LRP2: variants seen among roughly 807,000 people sequenced by gnomAD.
LRP2 encodes LDL receptor related protein 2.
In LRP2, 172 loss-of-function variants were observed where a neutral mutation model predicts 531.0. The observed-to-expected ratio is 0.32, with a 90% CI of 0.29 to 0.37. The LOEUF (loss-of-function observed/expected upper bound fraction) is 0.37. Among genes scored for constraint, LRP2 ranks in the 10% least tolerant of loss-of-function variants. LRP2 has a pLI of 1.00. For synonymous variants in LRP2, 1,992 were observed against 2,027.6 expected (o/e 0.98, Z 0.47); for missense variants, 5,167 against 5,868.3 (o/e 0.88, Z 3.90).
Position 169,128,558 on chromosome 2 carries a change from A to C in LRP2, c.*105T>G. ...TCCAACTATAGGCAAACAGGGAAAAATATATTTTTTTCATAAAGTACTGAA... is the reference window on the plus strand; with the variant it reads ...TCCAACTATAGGCAAACAGGGAAAACTATATTTTTTTCATAAAGTACTGAA... On this transcript the variant is annotated 3_prime_UTR_variant, in exon 79 of 79. Coordinates refer to ENST00000649046, the MANE Select transcript of LRP2 (RefSeq NM_004525.3). The C allele has an allele frequency of 8.5e-7, 1 of 1,180,048 alleles. No individual in the cohort carries two copies. Among genetic ancestry groups the C allele is most frequent in the Non-Finnish European group, 1.3e-6 (1 of 796,906 alleles). 73.1% of individuals were successfully genotyped at this position (1,180,048 alleles called of 1,614,324 possible).
chr2:169,165,908 T>G, intron 62 of LRP2, 24 bp downstream of exon 62: 1 of 1,613,702 alleles, frequency 6.2e-7, no homozygotes, highest in South Asian at 1.1e-5. Context: ...TCCTTTTTCC[T>G]TCTCCCTTTT....
intron 27 of LRP2, 126 bp downstream of exon 27, chr2:169,237,965 T>C: frequency 1.3e-6 from 1 of 784,186 alleles, no homozygotes; most frequent in Non-Finnish European, 2.2e-6. Context: ...TTGGGTATGA[T>C]GTGGCCCAGA....
At chr2:169,261,507 A>G (rs965116930) in intron 16 of LRP2, among the ~76,000 whole-genome samples, 1 of 146,752 alleles carries the variant, frequency 6.8e-6, no homozygotes, top group Non-Finnish European at 1.5e-5. Flanking sequence ...TCCTGCATAT[A>G]CTGTGTACTC....
chr2:169,226,315 T>C (rs1689198211), intron 32 of LRP2, 107 bp downstream of exon 32: 22 of 882,926 alleles, frequency 2.5e-5, no homozygotes, highest in Non-Finnish European at 4.0e-5. Context: ...TATTTCCACA[T>C]TGTTTCCCTT....
At chr2:169,201,938 A>G in intron 43 of LRP2, 68 bp from the exon 44 acceptor site, 1 of 1,585,300 alleles carries the variant, frequency 6.3e-7, no homozygotes, top group Non-Finnish European at 8.6e-7. Context: ...TTAAAAAGAT[A>G]CAATTAAATA....
chr2:169,361,239 G>C (rs917177953), intron 1 of LRP2, among the ~76,000 whole-genome samples: 5 of 151,918 alleles, frequency 3.3e-5, no homozygotes, highest in Admixed American at 1.3e-4. Context: ...ACCTAGCAAC[G>C]CAAAGCCAGG....
chr2:169,255,525 GA>G (rs35710276), intron 19 of LRP2, among the ~76,000 whole-genome samples: 59,557 of 151,714 alleles, frequency 0.39, 12,007 homozygotes, highest in South Asian at 0.68. Context: ...AAAGGTTGAC[GA>G]AAAAAAATTA....
chr2:169,308,272 G>A (rs773691711), intron 3 of LRP2, among the ~76,000 whole-genome samples: 43 of 151,744 alleles, frequency 2.8e-4, no homozygotes, highest in African/African-American at 6.0e-4. Flanking sequence ...TGTGCACAGC[G>A]TGCAGGTTTG....
In LRP2 at chr2:169,257,818, A is replaced by AT. The variant is rs1432289696; in HGVS notation, c.2514-570_2514-569insA. On this transcript the variant is annotated intron_variant, in intron 17 of 78. Coordinates refer to ENST00000649046, the MANE Select transcript of LRP2 (RefSeq NM_004525.3). ...AAGATAAGTCTAGAGGCAAAAAAAA[A>AT]CAAAAACAAAAAAAAAAAACACAAA... 2.5e-5 allele frequency among the ~76,000 whole-genome samples: 3 copies of AT among 118,062 alleles called. No homozygotes were observed. In the Admixed American group the frequency reaches 2.9e-4, roughly 11 times the overall value. 77.5% of individuals were successfully genotyped at this position (118,062 alleles called of 152,430 possible).
At chr2:169,301,108 G>C (rs953635481) in intron 4 of LRP2, among the ~76,000 whole-genome samples, 2 of 151,992 alleles carry the variant, frequency 1.3e-5, no homozygotes. Context: ...CCTTTCTTTG[G>C]CATTCCTAAG....
At chr2:169,350,799 C>A (rs1685827751) in intron 1 of LRP2, among the ~76,000 whole-genome samples, 1 of 150,868 alleles carries the variant, frequency 6.6e-6, no homozygotes, top group Admixed American at 6.6e-5. Flanking sequence ...GCCCTGGGTC[C>A]TTTTCAGCAG....
intron 1 of LRP2, among the ~76,000 whole-genome samples, chr2:169,337,481 T>C (rs149689972): frequency 1.2e-3 from 185 of 152,304 alleles, no homozygotes; most frequent in African/African-American, 4.4e-3. Flanking sequence ...AAAGGGCTTT[T>C]CAGGAGAATT....
chr2:169,264,857 G>T (rs1293284636), intron 16 of LRP2, among the ~76,000 whole-genome samples: 1 of 151,980 alleles, frequency 6.6e-6, no homozygotes, highest in African/African-American at 2.4e-5. Context: ...TCTCCTCTAA[G>T]GGACCACAGA....
chr2:169,148,282 G>C (rs1393104460), intron 68 of LRP2, among the ~76,000 whole-genome samples: 4 of 152,220 alleles, frequency 2.6e-5, no homozygotes, highest in African/African-American at 7.2e-5. Context: ...TAGAGACAGA[G>C]AGCAGATTAG....
chr2:169,273,289 G>A (rs1168366202), intron 14 of LRP2, among the ~76,000 whole-genome samples: 1 of 151,144 alleles, frequency 6.6e-6, no homozygotes, highest in African/African-American at 2.4e-5. Flanking sequence ...AACAGACGGT[G>A]GCAAAAAAAA....
At chr2:169,288,316 C>A (rs1318635649) in intron 9 of LRP2, among the ~76,000 whole-genome samples, 1 of 152,100 alleles carries the variant, frequency 6.6e-6, no homozygotes, top group Non-Finnish European at 1.5e-5. Flanking sequence ...GCATCAAAAT[C>A]AAAAATCTCA....
At chr2:169,328,847 T>C (rs1685192819) in intron 1 of LRP2, among the ~76,000 whole-genome samples, 1 of 152,200 alleles carries the variant, frequency 6.6e-6, no homozygotes, top group South Asian at 2.1e-4. Context: ...GCAAAGCAAA[T>C]GACAGCATTT....
At chr2:169,186,294 C>G (rs1211927303) in intron 49 of LRP2, among the ~76,000 whole-genome samples, 1 of 152,178 alleles carries the variant, frequency 6.6e-6, no homozygotes, top group African/African-American at 2.4e-5. Context: ...GCTGGTCAAA[C>G]AGGACTCAGG....
Position 169,142,781 on chromosome 2 carries a change from C to T in LRP2, c.13001G>A (p.Cys4334Tyr). The T allele has an allele frequency of 6.2e-7, 1 of 1,614,006 alleles. No individual in the cohort carries two copies. Among genetic ancestry groups the T allele is most frequent in the Non-Finnish European group, 8.5e-7 (1 of 1,179,906 alleles). Residue 4334 changes from cysteine to tyrosine, a missense_variant, in exon 71 of 79, where the codon TGC becomes TAC. Cys to Tyr is a radical substitution (Grantham distance 194, BLOSUM62 -2). Coordinates refer to ENST00000649046, the MANE Select transcript of LRP2 (RefSeq NM_004525.3). ...LRYNKSVPNL[C>Y]KQICSHLCLL... ...GCAGAGGTGGCTGCAGATCTGTTTGCAAAGGTTGGGCACTGGAAAGCGGGT... is the reference window on the plus strand; with the variant it reads ...GCAGAGGTGGCTGCAGATCTGTTTGTAAAGGTTGGGCACTGGAAAGCGGGT...
Sources: allele counts gnomAD v4.1 joint callset (sites outside exome capture counted in the v4.1 genomes callset), GRCh38; gene constraint gnomAD v4.1.1; transcripts MANE v1.5; gene names NCBI Gene and HGNC (gene_info 2026-07-23, HGNC 2026-07-21).